Variants in COX7A2L observed in about 807,000 individuals in gnomAD.
COX7A2L encodes the protein cytochrome c oxidase subunit 7A2 like, also known as cytochrome c oxidase subunit 7A2-like, mitochondrial.
COX7A2L carries 18 observed loss-of-function variants against 14.2 expected under a neutral mutation model. The observed-to-expected ratio is 1.27, with a 90% CI of 0.88 to 1.88. The LOEUF (loss-of-function observed/expected upper bound fraction) is 1.88. Ranked by LOEUF, COX7A2L falls within the 40% of genes most tolerant of loss-of-function variation. The pLI, the probability that COX7A2L is intolerant of heterozygous loss-of-function variation, is 0.00. For synonymous variants in COX7A2L, 65 were observed against 57.4 expected, an observed-to-expected ratio of 1.13 and a Z score of -0.60; for missense variants, 179 against 138.8, an observed-to-expected ratio of 1.29 and a Z score of -1.46.
rs1024961300 is a variant in COX7A2L at position 42,338,974 on chromosome 2, G to T, written c.193-5105C>A. Among the ~76,000 whole-genome samples the T allele has an allele frequency of 6.6e-6, 1 of 152,198 alleles. No individual in the cohort carries two copies. Among genetic ancestry groups the T allele is most frequent in the African/African-American group, 2.4e-5 (1 of 41,454 alleles). On this transcript the variant is annotated intron_variant, in intron 2 of 2. Coordinates refer to the COX7A2L transcript ENST00000468711. This position sits in a 1 kb window ranked among gnomAD's most constrained non-coding sequence, Gnocchi z 4.4. ...GTCCCTGCATCAGAGCGCCAGGAAG[G>T]CTGTCCCCTCTGATCACTGGCTGGA...
chr2:42,358,885 A>G (rs184513996), intron 1 of COX7A2L, among the ~76,000 whole-genome samples: 3 of 152,176 alleles, frequency 2.0e-5, no homozygotes, highest in African/African-American at 7.2e-5. Context: ...AACCCCAGCC[A>G]CTCAGGGGGC....
chr2:42,357,149 A>G (rs1442741521), intron 1 of COX7A2L, among the ~76,000 whole-genome samples: 1 of 152,148 alleles, frequency 6.6e-6, no homozygotes, highest in Non-Finnish European at 1.5e-5. Flanking sequence ...TGGTTGTAAC[A>G]TTTTCCTTTT....
At chr2:42,365,632 A>G (rs527507988), upstream of COX7A2L, 4 of 148,016 alleles carry the variant, frequency 2.7e-5, no homozygotes, top group Admixed American at 1.3e-4. Context: ...CGTCCCGAAG[A>G]AAAAAAAAAA....
At chr2:42,347,262 A>G (rs1156595016), downstream of COX7A2L, among the ~76,000 whole-genome samples, 1 of 152,112 alleles carries the variant, frequency 6.6e-6, no homozygotes, top group Non-Finnish European at 1.5e-5. Context: ...AGGTAAAAAG[A>G]AACAGGCACT....
At position 42,349,479 on chromosome 2, in the gene COX7A2L, T is replaced by G. The variant is rs1019148316; in HGVS notation, c.*1740A>C. The G allele has an allele frequency of 6.6e-6, 1 of 152,214 alleles. No homozygotes were observed. The highest frequency in any genetic ancestry group is 2.4e-5 in the African/African-American group (1 of 41,460). The allele number at this position is 152,214 out of a possible 1,614,324, so 9.4% of individuals were successfully genotyped here. A position where few individuals can be genotyped will look rare whatever the true frequency, so the allele number is the denominator to read the frequency against. The stretch of plus-strand genomic sequence containing the variant: ...GGTGGGAGGGAAGGCAAGTGATTGC[T>G]AATGGGTATGGGGTTTCTTTTTAGG... On this transcript the variant is annotated 3_prime_UTR_variant, in exon 3 of 3. Transcript: ENST00000234301.
downstream of COX7A2L, among the ~76,000 whole-genome samples, chr2:42,344,398 G>C (rs1007734975): frequency 3.3e-5 from 5 of 152,098 alleles, no homozygotes; most frequent in Admixed American, 1.3e-4. Context: ...GTCTCCTTTT[G>C]CTCATACATA....
At chr2:42,354,081 G>A (rs918209962) in intron 1 of COX7A2L, among the ~76,000 whole-genome samples, 3 of 152,150 alleles carry the variant, frequency 2.0e-5, no homozygotes, top group Non-Finnish European at 4.4e-5. Flanking sequence ...CTTCAGGTGG[G>A]GGCTTGGGGG....
chr2:42,361,272 A>C, upstream of COX7A2L: 2 of 980,086 alleles, frequency 2.0e-6, no homozygotes, highest in Middle Eastern at 2.1e-4. Context: ...CGGTGCTGGG[A>C]CTAGGGCTGC....
upstream of COX7A2L, chr2:42,361,372 G>C (rs1052204096): frequency 3.8e-6 from 2 of 521,548 alleles, no homozygotes; most frequent in Admixed American, 3.8e-5. Flanking sequence ...GGCAAAACCA[G>C]CTCTAAGAGA....
chr2:42,364,874 A>G (rs1452109100), upstream of COX7A2L, among the ~76,000 whole-genome samples: 1 of 152,006 alleles, frequency 6.6e-6, no homozygotes, highest in African/African-American at 2.4e-5. Context: ...TCAACTCCCT[A>G]CTCTGACCTT....
rs1189101970 is a variant in COX7A2L, at chr2:42,339,297, G to A, written c.193-5428C>T. The stretch of plus-strand genomic sequence containing the variant: ...CCACCAGGAGCTGAGGGGTTTCTCG[G>A]GCACAGGATCCCCCCAGCGGCTCTT... On this transcript the variant is annotated intron_variant, in intron 2 of 2. Coordinates refer to the COX7A2L transcript ENST00000468711. This position sits in a 1 kb window ranked among gnomAD's most constrained non-coding sequence, Gnocchi z 5.4. 6.6e-6 allele frequency among the ~76,000 whole-genome samples: 1 copy of A among 152,168 alleles called. No individual in the cohort carries two copies. Among genetic ancestry groups the A allele is most frequent in the Non-Finnish European group, 1.5e-5 (1 of 68,034 alleles).
At chr2:42,357,565 G>A (rs1432355978) in intron 1 of COX7A2L, among the ~76,000 whole-genome samples, 1 of 151,920 alleles carries the variant, frequency 6.6e-6, no homozygotes, top group African/African-American at 2.4e-5. Flanking sequence ...TCCTGCCCTG[G>A]CCTCCGGAAA....
At chr2:42,368,770 G>A (rs1258468430) in intron 1 of COX7A2L, 1 of 152,200 alleles carries the variant, frequency 6.6e-6, no homozygotes, top group Non-Finnish European at 1.5e-5. Context: ...CAGACTGGAT[G>A]GAGTAGGATT....
At chr2:42,345,596 A>C (rs1312154375), downstream of COX7A2L, among the ~76,000 whole-genome samples, 6 of 152,222 alleles carry the variant, frequency 3.9e-5, no homozygotes, top group Non-Finnish European at 8.8e-5. Context: ...TTGGTGGGAC[A>C]AGAATGGCTG....
intron 1 of COX7A2L, among the ~76,000 whole-genome samples, chr2:42,356,529 G>A (rs1055809519): frequency 4.6e-5 from 7 of 152,242 alleles, no homozygotes; most frequent in Admixed American, 2.0e-4. Context: ...GCTTCACAGT[G>A]TAGGTTTGAG....
intron 2 of COX7A2L, among the ~76,000 whole-genome samples, chr2:42,337,963 G>A (rs1558625445): frequency 6.6e-6 from 1 of 152,178 alleles, no homozygotes; most frequent in African/African-American, 2.4e-5. Context: ...GGGTCCCTGT[G>A]GGAGAACCCC....
chr2:42,343,338 C>A (rs1343317466), intron 2 of COX7A2L, among the ~76,000 whole-genome samples: 1 of 152,206 alleles, frequency 6.6e-6, no homozygotes, highest in Non-Finnish European at 1.5e-5. Flanking sequence ...TGGAGAGACA[C>A]CCTGAAAATG....
intron 1 of COX7A2L, among the ~76,000 whole-genome samples, chr2:42,353,916 G>A (rs949587657): frequency 5.3e-5 from 8 of 152,162 alleles, no homozygotes; most frequent in Non-Finnish European, 1.0e-4. Context: ...CAAGGTGAAG[G>A]GGAGGAAGTA....
intron 1 of COX7A2L, among the ~76,000 whole-genome samples, chr2:42,358,612 T>C (rs1431796673): frequency 6.6e-6 from 1 of 152,212 alleles, no homozygotes; most frequent in Non-Finnish European, 1.5e-5. Context: ...TCACTTCTTT[T>C]CAACATAGTT....
Sources: allele counts gnomAD v4.1 joint callset (sites outside exome capture counted in the v4.1 genomes callset), GRCh38; gene constraint gnomAD v4.1.1; non-coding constraint Gnocchi (gnomAD v3.1); transcripts MANE v1.5; gene names NCBI Gene and HGNC (gene_info 2026-07-23, HGNC 2026-07-21).